Variants in KLHL1 observed in about 807,000 individuals in gnomAD.
KLHL1 encodes the protein kelch-like protein 1.
KLHL1 carries 47 observed loss-of-function variants against 77.7 expected under a neutral mutation model. That is an observed-to-expected ratio of 0.60 (90% CI 0.48 to 0.77). The LOEUF is 0.77. Among genes scored for constraint, KLHL1 ranks in the 30% least tolerant of loss-of-function variants. The pLI, the probability that KLHL1 is intolerant of heterozygous loss-of-function variation, is 0.00. For missense variants in KLHL1, 925 were observed against 910.8 expected, an observed-to-expected ratio of 1.02 and a Z score of -0.20; for synonymous variants, 360 against 325.2, an observed-to-expected ratio of 1.11 and a Z score of -1.15.
intron 4 of KLHL1, among the ~76,000 whole-genome samples, chr13:69,918,621 A>G (rs918319368): frequency 1.3e-5 from 2 of 152,032 alleles, no homozygotes; most frequent in African/African-American, 4.8e-5. Context: ...GACATGTTTC[A>G]TCAAACAACA....
intron 1 of KLHL1, among the ~76,000 whole-genome samples, chr13:70,009,133 T>C (rs1488543439): frequency 6.6e-6 from 1 of 151,736 alleles, no homozygotes; most frequent in African/African-American, 2.4e-5. Context: ...ATAAAAATAG[T>C]AAAAAATTTG....
At chr13:69,996,296 C>T (rs1050419847) in intron 1 of KLHL1, among the ~76,000 whole-genome samples, 3 of 148,662 alleles carry the variant, frequency 2.0e-5, no homozygotes, top group African/African-American at 7.4e-5. Context: ...AGCGAGACTC[C>T]GTTTAAAAAA....
At chr13:69,819,703 A>C (rs1250181549) in intron 6 of KLHL1, among the ~76,000 whole-genome samples, 1 of 152,032 alleles carries the variant, frequency 6.6e-6, no homozygotes, top group Non-Finnish European at 1.5e-5. Context: ...AGGACCGATC[A>C]CTGCTACTGT....
At chr13:69,912,249 C>A (rs1882262909) in intron 4 of KLHL1, among the ~76,000 whole-genome samples, 1 of 152,166 alleles carries the variant, frequency 6.6e-6, no homozygotes, top group African/African-American at 2.4e-5. Context: ...CTTCCTGTTT[C>A]ATCCAAGCTC....
chr13:69,784,479 G>A (rs945430557), intron 7 of KLHL1, among the ~76,000 whole-genome samples: 1 of 152,084 alleles, frequency 6.6e-6, no homozygotes, highest in Non-Finnish European at 1.5e-5. Context: ...AAAATAAAGG[G>A]ATGGAGAAAG....
At chr13:69,847,620 T>C (rs2138125566) in intron 5 of KLHL1, among the ~76,000 whole-genome samples, 1 of 151,636 alleles carries the variant, frequency 6.6e-6, no homozygotes, top group Non-Finnish European at 1.5e-5. Context: ...TGGGCTATAT[T>C]ATGAAAACAT....
At chr13:69,983,705 C>G (rs995060008) in intron 1 of KLHL1, among the ~76,000 whole-genome samples, 32 of 151,564 alleles carry the variant, frequency 2.1e-4, no homozygotes, top group African/African-American at 7.0e-4. Context: ...AGTTAAGAGT[C>G]GGCAATGACC....
intron 5 of KLHL1, among the ~76,000 whole-genome samples, chr13:69,851,487 G>A (rs1264835122): frequency 6.6e-6 from 1 of 151,700 alleles, no homozygotes; most frequent in Non-Finnish European, 1.5e-5. Flanking sequence ...TGTATCACTG[G>A]ATTAATTGGA....
At chr13:69,761,337 G>T (rs1243743085) in intron 7 of KLHL1, among the ~76,000 whole-genome samples, 1 of 151,798 alleles carries the variant, frequency 6.6e-6, no homozygotes, top group African/African-American at 2.4e-5. Flanking sequence ...TGAACAGTTG[G>T]CTGCCTGTGG....
intron 5 of KLHL1, among the ~76,000 whole-genome samples, chr13:69,859,469 C>G (rs1322144473): frequency 6.6e-6 from 1 of 151,922 alleles, no homozygotes; most frequent in African/African-American, 2.4e-5. Context: ...GTTACGAGCT[C>G]CAGTAGGGCA....
intron 4 of KLHL1, among the ~76,000 whole-genome samples, chr13:69,921,787 A>G (rs1882648629): frequency 6.6e-6 from 1 of 152,216 alleles, no homozygotes; most frequent in Non-Finnish European, 1.5e-5. Context: ...AGAATAAATA[A>G]TATACAAAAG....
Position 69,791,966 on chromosome 13 carries a change from G to A in KLHL1, c.1639+4772C>T, listed in dbSNP as rs116774682. Among the ~76,000 whole-genome samples, 1,310 of 152,202 alleles carry A rather than the reference G, an allele frequency of 8.6e-3. 9 individuals carry two copies. The highest frequency in any genetic ancestry group is 0.03 in the African/African-American group (1,244 of 41,558). ...ATAACTTCTGTGCTTCCAAAGGCAC[G>A]ATTAAGAAAATTGCAGAGCGTCAGG... On this transcript the variant is annotated intron_variant, in intron 7 of 10. Coordinates refer to ENST00000377844, the MANE Select transcript of KLHL1 (RefSeq NM_020866.3).
At chr13:70,040,222 C>T (rs973612744) in intron 1 of KLHL1, among the ~76,000 whole-genome samples, 6 of 152,124 alleles carry the variant, frequency 3.9e-5, no homozygotes, top group Non-Finnish European at 7.4e-5. Flanking sequence ...GATGGTTTTA[C>T]TTTCTCTCCT....
At chr13:69,797,520 C>G (rs545594134) in intron 6 of KLHL1, among the ~76,000 whole-genome samples, 1 of 152,066 alleles carries the variant, frequency 6.6e-6, no homozygotes, top group East Asian at 1.9e-4. Context: ...AAAAAATAAT[C>G]TGGGGAAGAG....
chr13:69,913,464 C>T (rs1289370617), intron 4 of KLHL1, among the ~76,000 whole-genome samples: 2 of 152,182 alleles, frequency 1.3e-5, no homozygotes, highest in Non-Finnish European at 2.9e-5. Context: ...CTGGGTCTGG[C>T]GGTGCACGCG....
At chr13:70,025,229 A>G (rs1885911087) in intron 1 of KLHL1, among the ~76,000 whole-genome samples, 2 of 152,022 alleles carry the variant, frequency 1.3e-5, no homozygotes, top group African/African-American at 2.4e-5. Context: ...AATGTTTTCA[A>G]TGTATGTTTT....
chr13:69,920,782 G>C (rs1273893736), intron 4 of KLHL1, among the ~76,000 whole-genome samples: 1 of 151,942 alleles, frequency 6.6e-6, no homozygotes, highest in Non-Finnish European at 1.5e-5. Flanking sequence ...ATAAGAGAAG[G>C]TCAGCAAAAA....
chr13:70,100,152 G>T (rs1000566776), intron 1 of KLHL1, among the ~76,000 whole-genome samples: 10 of 151,844 alleles, frequency 6.6e-5, no homozygotes, highest in African/African-American at 2.2e-4. Context: ...CATTAGTAGT[G>T]AGTCTTCTGA....
intron 5 of KLHL1, among the ~76,000 whole-genome samples, chr13:69,880,667 A>G (rs1292688536): frequency 2.0e-5 from 3 of 152,164 alleles, no homozygotes; most frequent in Non-Finnish European, 4.4e-5. Context: ...AATGACATGC[A>G]CAGGTGGCAG....
Sources: allele counts gnomAD v4.1 joint callset (sites outside exome capture counted in the v4.1 genomes callset), GRCh38; gene constraint gnomAD v4.1.1; transcripts MANE v1.5; gene names NCBI Gene and HGNC (gene_info 2026-07-23, HGNC 2026-07-21).